The following MMP16 variants were observed in gnomAD, a reference collection of about 807,000 sequenced individuals.
MMP16 encodes matrix metallopeptidase 16, also known as matrix metalloproteinase-16.
A neutral mutation model predicts 67.8 loss-of-function variants in MMP16; 12 were observed. The observed-to-expected ratio is 0.18, with a 90% CI of 0.11 to 0.29. MMP16 has a LOEUF of 0.29. MMP16 is among the 10% of genes least tolerant of loss of function. The pLI is 1.00. For synonymous variants in MMP16, 249 were observed against 255.9 expected, an observed-to-expected ratio of 0.97 and a Z score of 0.26; for missense variants, 475 against 765.7, an observed-to-expected ratio of 0.62 and a Z score of 4.48.
chr8:88,281,063 T>C (rs112509324), intron 1 of MMP16, among the ~76,000 whole-genome samples: 85 of 152,224 alleles, frequency 5.6e-4, no homozygotes, highest in African/African-American at 2.0e-3. Context: ...GAGCAGAAAG[T>C]CATAAACACA....
At chr8:88,103,954 T>A (rs1809191384) in intron 6 of MMP16, among the ~76,000 whole-genome samples, 1 of 151,832 alleles carries the variant, frequency 6.6e-6, no homozygotes, top group Admixed American at 6.6e-5. Context: ...CCAGGTTAAA[T>A]TATATTATTG....
chr8:88,197,062 C>T lies in MMP16; in HGVS notation c.281+96G>A, dbSNP rs1809267604. The T allele has an allele frequency of 3.4e-6, 4 of 1,160,468 alleles. No individual in the cohort carries two copies. The Admixed American group carries it at 8.6e-5, about 25-fold the overall frequency. The allele number at this position is 1,160,468 out of a possible 1,614,324, so 71.9% of individuals were successfully genotyped here. A position where few individuals can be genotyped will look rare whatever the true frequency, so the allele number is the denominator to read the frequency against. ...CAAAGAAAGTTCATGAGACAAATTA[C>T]TCCATTTCTGGTTGGTGGAGTTCAT... On this transcript the variant is annotated intron_variant, in intron 2 of 9. Transcript: ENST00000286614.
chr8:88,298,624 T>C (rs1175818915), intron 1 of MMP16, among the ~76,000 whole-genome samples: 1 of 152,140 alleles, frequency 6.6e-6, no homozygotes, highest in Admixed American at 6.6e-5. Flanking sequence ...CAATCATCAC[T>C]TTAGGCAACT....
At chr8:88,311,838 C>A (rs530680586) in intron 1 of MMP16, among the ~76,000 whole-genome samples, 1 of 151,784 alleles carries the variant, frequency 6.6e-6, no homozygotes, top group South Asian at 2.1e-4. Context: ...GTCTTGCATG[C>A]CATGTTATAA....
chr8:88,118,595 T>TA, intron 5 of MMP16, 105 bp downstream of exon 5: 1 of 1,058,158 alleles, frequency 9.5e-7, no homozygotes, highest in Non-Finnish European at 1.4e-6. Flanking sequence ...ACTTTTTCTG[T>TA]AGTCATCTGT....
rs1808366100 is a variant in MMP16, at chr8:88,059,167, G to A, written c.1223-2889C>T. ...AAGTTTGTAAGACACAAGCATATAT[G>A]TGGCATTTATAAATTTAGGATGTGT... On this transcript the variant is annotated intron_variant, in intron 7 of 9. Coordinates refer to ENST00000286614, the MANE Select transcript of MMP16 (RefSeq NM_005941.5). 3.3e-5 allele frequency among the ~76,000 whole-genome samples: 5 copies of A among 152,034 alleles called. No individual in the cohort carries two copies. The South Asian group carries it at 1.0e-3, about 31-fold the overall frequency.
At chr8:88,065,424 A>C (rs1181851397) in intron 7 of MMP16, among the ~76,000 whole-genome samples, 1 of 152,168 alleles carries the variant, frequency 6.6e-6, no homozygotes, top group Non-Finnish European at 1.5e-5. Context: ...ATTAGCAATT[A>C]GAGTTTCAAA....
At chr8:88,139,841 A>G (rs1363952512) in intron 4 of MMP16, among the ~76,000 whole-genome samples, 1 of 152,166 alleles carries the variant, frequency 6.6e-6, no homozygotes, top group African/African-American at 2.4e-5. Flanking sequence ...AAAACAGGAA[A>G]TTTAAATTCC....
chr8:88,248,997 A>G, intron 1 of MMP16, among the ~76,000 whole-genome samples: 1 of 152,046 alleles, frequency 6.6e-6, no homozygotes, highest in Non-Finnish European at 1.5e-5. Context: ...AAACAAACAA[A>G]AAAGGCCAAT....
At chr8:88,138,754 G>A (rs1359219926) in intron 4 of MMP16, among the ~76,000 whole-genome samples, 1 of 152,018 alleles carries the variant, frequency 6.6e-6, no homozygotes, top group African/African-American at 2.4e-5. Context: ...TTTTCACCAG[G>A]ATCTTCACAT....
rs1563597004 is a variant in MMP16 at position 88,327,288 on chromosome 8, C to A, written c.-82G>T. On this transcript the variant is annotated 5_prime_UTR_variant, in exon 1 of 10. Transcript: ENST00000286614. ...TCTCCCTCCCTCCCTCGTTTCCTTTCAAAAAAAAGTCCTCCGGGTGGGTAA... is the reference window on the plus strand; with the variant it reads ...TCTCCCTCCCTCCCTCGTTTCCTTTAAAAAAAAAGTCCTCCGGGTGGGTAA... 9 of 1,574,650 alleles carry A rather than the reference C, an allele frequency of 5.7e-6. No individual in the cohort carries two copies. The highest frequency in any genetic ancestry group is 2.3e-5 in the East Asian group (1 of 43,978).
intron 6 of MMP16, among the ~76,000 whole-genome samples, chr8:88,097,625 CAAAAAAAAAA>C (rs34488162): frequency 7.4e-5 from 5 of 67,496 alleles, no homozygotes; most frequent in African/African-American, 1.2e-4. Flanking sequence ...AACCCTGTCT[CAAAAAAAAAA>C]AAAAAAAAAA....
chr8:88,300,416 C>A (rs532360538), intron 1 of MMP16, among the ~76,000 whole-genome samples: 20 of 152,292 alleles, frequency 1.3e-4, no homozygotes, highest in Non-Finnish European at 2.5e-4. Context: ...TGAAATCTCA[C>A]GCCATCCCAC....
At chr8:88,177,364 G>A (rs1348839341) in intron 3 of MMP16, among the ~76,000 whole-genome samples, 1 of 152,128 alleles carries the variant, frequency 6.6e-6, no homozygotes, top group Non-Finnish European at 1.5e-5. Context: ...AAAAAGTAAG[G>A]TCATAGGGCA....
chr8:88,034,340 T>G lies in MMP16; in HGVS notation c.*7121A>C, dbSNP rs990015254. On this transcript the variant is annotated 3_prime_UTR_variant, in exon 10 of 10. Coordinates refer to ENST00000286614, the MANE Select transcript of MMP16 (RefSeq NM_005941.5). ...AAGATGTATCTTTCCCAACCATCTG[T>G]ATTTTTGGGTGAGAAACAGAAGGCA... 5 of 152,166 alleles carry G rather than the reference T, an allele frequency of 3.3e-5. No individual in the cohort carries two copies. Among genetic ancestry groups the G allele is most frequent in the Non-Finnish European group, 7.4e-5 (5 of 67,938 alleles). The allele number at this position is 152,166 out of a possible 1,614,324, so 9.4% of individuals were successfully genotyped here. A position where few individuals can be genotyped will look rare whatever the true frequency, so the allele number is the denominator to read the frequency against.
intron 6 of MMP16, among the ~76,000 whole-genome samples, chr8:88,112,085 G>T (rs1025590417): frequency 6.6e-6 from 1 of 151,542 alleles, no homozygotes; most frequent in Admixed American, 6.6e-5. Flanking sequence ...ACTGTTCCAC[G>T]ACAGCTTTGC....
intron 3 of MMP16, among the ~76,000 whole-genome samples, chr8:88,176,034 ATTTC>A (rs1259411583): frequency 1.3e-5 from 2 of 152,146 alleles, no homozygotes; most frequent in East Asian, 3.9e-4. Context: ...AGTCATGAGT[ATTTC>A]TTTATAGCAG....
intron 4 of MMP16, among the ~76,000 whole-genome samples, chr8:88,148,928 T>A (rs1011419554): frequency 9.9e-5 from 15 of 152,192 alleles, no homozygotes; most frequent in Admixed American, 6.5e-5. Context: ...ACGGGTGATT[T>A]CTGCATTTCC....
chr8:88,226,669 T>G (rs1258348123), intron 1 of MMP16, among the ~76,000 whole-genome samples: 1 of 151,992 alleles, frequency 6.6e-6, no homozygotes, highest in Non-Finnish European at 1.5e-5. Flanking sequence ...ATTATGGGGC[T>G]CCTACAGGTT....
Sources: gnomAD v4.1 joint callset for allele counts (sites outside exome capture counted in the v4.1 genomes callset) on GRCh38, gnomAD v4.1.1 for gene constraint, MANE v1.5 for transcripts, NCBI Gene and HGNC (gene_info 2026-07-23, HGNC 2026-07-21) for gene names.